Variants in AHI1 observed in about 807,000 individuals in gnomAD.
The protein encoded by AHI1 is Abelson helper integration site 1.
Under a neutral mutation model 149.3 loss-of-function variants are expected in AHI1, and 123 were observed. That is an observed-to-expected ratio of 0.82 (90% CI 0.71 to 0.96). The LOEUF (loss-of-function observed/expected upper bound fraction) is 0.96. Ranked by LOEUF, AHI1 falls within the 40% of genes least tolerant of loss-of-function variation. The pLI is 0.00. For synonymous variants in AHI1, 475 were observed against 459.8 expected (o/e 1.03, Z -0.42); for missense variants, 1,439 against 1,422.7 (o/e 1.01, Z -0.18).
intron 22 of AHI1, among the ~76,000 whole-genome samples, chr6:135,401,037 T>C (rs991335782): frequency 2.6e-5 from 4 of 152,218 alleles, no homozygotes; most frequent in Non-Finnish European, 5.9e-5. Context: ...AGATACTTTT[T>C]GGTTTACAAT....
chr6:135,385,909 A>G (rs1431522749), intron 23 of AHI1, among the ~76,000 whole-genome samples: 4 of 152,246 alleles, frequency 2.6e-5, no homozygotes, highest in African/African-American at 4.8e-5. Context: ...CCCCAGACAC[A>G]TAAGTCTGAG....
rs776796882 is a variant in AHI1 at position 135,466,371 on chromosome 6, G to A, written c.192C>T (p.Pro64=). The change falls in exon 7 of 29, where the codon CCC becomes CCT. Residue 64 remains proline (P), a splice_region_variant and synonymous_variant. Coordinates refer to ENST00000265602, the MANE Select transcript of AHI1 (RefSeq NM_001134831.2). ...GGGGAAGATTGCTTCTAATAGTGTC[G>A]GGCTAGGAAAAGAAGACATGATAAC... ...HYMKETTSDD[P]DTIRSNLPHI... The A allele has an allele frequency of 1.8e-5, 29 of 1,611,148 alleles. No homozygotes were observed. The highest frequency in any genetic ancestry group is 1.3e-4 in the East Asian group (6 of 44,860).
chr6:135,488,673 T>C (rs7769298), intron 5 of AHI1, among the ~76,000 whole-genome samples: 128,546 of 152,102 alleles, frequency 0.85, 55,917 homozygotes, highest in East Asian at 0.97. Flanking sequence ...ATAACTGGAA[T>C]ATAAGATGAA....
At chr6:135,349,882 G>C (rs1462156836) in intron 24 of AHI1, among the ~76,000 whole-genome samples, 1 of 152,150 alleles carries the variant, frequency 6.6e-6, no homozygotes, top group Middle Eastern at 3.2e-3. Context: ...TGCCACAACT[G>C]ACCTACTCTA....
At chr6:135,366,272 C>T (rs1379298905) in intron 23 of AHI1, among the ~76,000 whole-genome samples, 1 of 151,540 alleles carries the variant, frequency 6.6e-6, no homozygotes, top group Non-Finnish European at 1.5e-5. Context: ...CCTTTCCTGG[C>T]TTTGGTATTA....
chr6:135,345,366 G>A (rs1281479880), intron 24 of AHI1, among the ~76,000 whole-genome samples: 1 of 152,116 alleles, frequency 6.6e-6, no homozygotes, highest in African/African-American at 2.4e-5. Context: ...GCAAAAACCT[G>A]TACATGAATG....
chr6:135,474,228 C>CT (rs932609593), intron 5 of AHI1, among the ~76,000 whole-genome samples: 3 of 152,232 alleles, frequency 2.0e-5, no homozygotes, highest in African/African-American at 7.2e-5. Context: ...TCTAGTAGCA[C>CT]TTTTTTTGTA....
chr6:135,465,896 T>C lies in AHI1; in HGVS notation c.667A>G (p.Thr223Ala), dbSNP rs757832908. 3.2e-6 allele frequency: 5 copies of C among 1,579,052 alleles called. No individual in the cohort carries two copies. Among genetic ancestry groups the C allele is most frequent in the South Asian group, 1.2e-5 (1 of 82,814 alleles). The change falls in exon 7 of 29, where the codon ACT (threonine) becomes GCT (alanine). Residue 223 changes from threonine (T) to alanine (A), a missense_variant. Thr to Ala is a moderately conservative substitution (Grantham distance 58). Transcript: ENST00000265602. ...CTTAGTTTGTCATCATGGAATAAAG[T>C]ATCTGAGGGAAAGTAAGTCAACTGT... ...KEQLTYFPSD[T>A]LFHDDKLSSE...
At chr6:135,375,899 A>T (rs926044432) in intron 23 of AHI1, among the ~76,000 whole-genome samples, 8 of 152,156 alleles carry the variant, frequency 5.3e-5, no homozygotes, top group African/African-American at 1.9e-4. Context: ...TACCAGATGA[A>T]CTTAGGACAT....
chr6:135,344,926 T>TCACACACACA (rs59084001), intron 24 of AHI1, among the ~76,000 whole-genome samples: 1,616 of 145,792 alleles, frequency 0.011, 17 homozygotes, highest in African/African-American at 0.023. Flanking sequence ...AAGCTCTGAT[T>TCACACACACA]CACACACACA....
chr6:135,389,262 G>T (rs921395744), intron 23 of AHI1, among the ~76,000 whole-genome samples: 2 of 137,882 alleles, frequency 1.5e-5, no homozygotes, highest in Admixed American at 1.4e-4. Context: ...AGTGAGCCGA[G>T]ATCGTGCCAC....
chr6:135,493,022 T>A, intron 3 of AHI1: 1 of 947,406 alleles, frequency 1.1e-6, no homozygotes, highest in Non-Finnish European at 1.3e-6. Context: ...GATTTGTTTG[T>A]TTTTGAGATG....
intron 23 of AHI1, among the ~76,000 whole-genome samples, chr6:135,363,951 C>G (rs1300725546): frequency 0.019 from 1,995 of 102,730 alleles, no homozygotes; most frequent in East Asian, 0.064. Context: ...GGCTGACCCC[C>G]CCACCTCCCT....
Position 135,323,182 on chromosome 6 carries a change from G to A in AHI1, c.3308C>T (p.Ala1103Val), listed in dbSNP as rs758005898. 2 of 1,611,116 alleles carry A rather than the reference G, an allele frequency of 1.2e-6. No homozygotes were observed. Among genetic ancestry groups the A allele is most frequent in the Non-Finnish European group, 1.7e-6 (2 of 1,177,610 alleles). The change falls in exon 25 of 29, where the codon GCT becomes GTT. Residue 1103 changes from alanine to valine, a missense_variant. Coordinates refer to ENST00000265602, the MANE Select transcript of AHI1 (RefSeq NM_001134831.2). ...IGKGQEGYFP[A>V]NHVASETLYQ... ...CTTACTTTCACTAGCCACATGATTA[G>A]CTGGAAAATAACCTTCCTGTCCCTT...
At position 135,427,166 on chromosome 6, in the gene AHI1, C is replaced by A; in HGVS notation, c.2764+1G>T. 1 of 1,608,824 alleles carries A rather than the reference C, an allele frequency of 6.2e-7. No homozygotes were observed. Among genetic ancestry groups the A allele is most frequent in the Non-Finnish European group, 8.5e-7 (1 of 1,176,760 alleles). The stretch of plus-strand genomic sequence containing the variant: ...CTTTACTTATCAAGTGGTAGACTTA[C>A]CATGGAAATCGTAAATATACAGAAG... On this transcript the variant is annotated splice_donor_variant, in intron 20 of 28. Transcript: ENST00000265602. LOFTEE classifies it high-confidence loss of function.
chr6:135,307,811 ATTTTGACCCCTGGGGAAATCTGGCC>A (rs1784692604), intron 26 of AHI1, among the ~76,000 whole-genome samples: 1 of 152,040 alleles, frequency 6.6e-6, no homozygotes, highest in Non-Finnish European at 1.5e-5. Flanking sequence ...GTGAGGGGTG[ATTTTGACCCCTGGGGAAATCTGGCC>A]GTGTCTGAAA....
At chr6:135,450,156 T>C (rs1052057912) in intron 11 of AHI1, among the ~76,000 whole-genome samples, 2 of 152,118 alleles carry the variant, frequency 1.3e-5, no homozygotes, top group Non-Finnish European at 2.9e-5. Flanking sequence ...TAGAAGACCA[T>C]GAAGGAAACT....
Position 135,497,679 on chromosome 6 carries a change from G to A in AHI1, c.-298C>T, listed in dbSNP as rs1355774811. On this transcript the variant is annotated 5_prime_UTR_variant, in exon 1 of 29. Coordinates refer to ENST00000265602, the MANE Select transcript of AHI1 (RefSeq NM_001134831.2). ...CCTAGCGGCGCGTGCGCGAAGTGAGGCGGCCACGCAGCCACCTAACCCGCC... is the reference window on the plus strand; with the variant it reads ...CCTAGCGGCGCGTGCGCGAAGTGAGACGGCCACGCAGCCACCTAACCCGCC... The A allele has an allele frequency of 6.1e-6, 1 of 163,544 alleles. No individual in the cohort carries two copies. The highest frequency in any genetic ancestry group is 1.4e-5 in the Non-Finnish European group (1 of 73,658). The allele number at this position is 163,544 out of a possible 1,614,324, so 10.1% of individuals were successfully genotyped here.
Position 135,347,338 on chromosome 6 carries a change from C to G in AHI1, c.3165+10794G>C, listed in dbSNP as rs62429857. On this transcript the variant is annotated intron_variant, in intron 24 of 28. Coordinates refer to ENST00000265602, the MANE Select transcript of AHI1 (RefSeq NM_001134831.2). ...ATATACATTGTTTCATACATGTTAA[C>G]TGCTGTTAATACTACCTAAACTGCT... Among the ~76,000 whole-genome samples, 1,291 of 152,286 alleles carry G rather than the reference C, an allele frequency of 8.5e-3. 9 individuals are homozygous for G. Among genetic ancestry groups the G allele is most frequent in the Middle Eastern group, 0.034 (10 of 294 alleles).
Sources: gnomAD v4.1 joint callset for allele counts (sites outside exome capture counted in the v4.1 genomes callset) on GRCh38, gnomAD v4.1.1 for gene constraint, MANE v1.5 for transcripts, NCBI Gene and HGNC (gene_info 2026-07-23, HGNC 2026-07-21) for gene names.